RGS7: variants seen among roughly 807,000 people sequenced by gnomAD.
RGS7 encodes the protein regulator of G-protein signaling 7.
Under a neutral mutation model 81.1 loss-of-function variants are expected in RGS7, and 27 were observed. The observed-to-expected ratio is 0.33, with a 90% CI of 0.25 to 0.46. The LOEUF (loss-of-function observed/expected upper bound fraction) is 0.46. RGS7 is among the 20% of genes least tolerant of loss of function. The pLI is 1.00. For missense variants in RGS7, 396 were observed against 607.4 expected (o/e 0.65, Z 3.66); for synonymous variants, 208 against 207.7 (o/e 1.00, Z -0.01).
chr1:240,932,933 G>T (rs1406425867), intron 5 of RGS7, among the ~76,000 whole-genome samples: 2 of 127,354 alleles, frequency 1.6e-5, no homozygotes, highest in South Asian at 2.5e-4. Flanking sequence ...GCCCAGGCTG[G>T]ACTGCAGTGG....
chr1:241,106,269 T>G (rs535391327), intron 2 of RGS7, among the ~76,000 whole-genome samples: 2 of 152,346 alleles, frequency 1.3e-5, no homozygotes, highest in East Asian at 3.9e-4. Context: ...TATAGTTTAT[T>G]GCAGTCAGTA....
At chr1:240,887,516 A>G (rs1042704670) in intron 6 of RGS7, among the ~76,000 whole-genome samples, 1 of 152,084 alleles carries the variant, frequency 6.6e-6, no homozygotes. Flanking sequence ...GCGTGAGAGT[A>G]TATAGTTTTA....
intron 2 of RGS7, among the ~76,000 whole-genome samples, chr1:241,214,536 T>G (rs961344982): frequency 6.6e-6 from 1 of 152,136 alleles, no homozygotes; most frequent in Non-Finnish European, 1.5e-5. Flanking sequence ...TGTGGGCGAC[T>G]GTTTTAGGCC....
intron 6 of RGS7, among the ~76,000 whole-genome samples, chr1:240,918,881 A>G (rs1673029365): frequency 6.6e-6 from 1 of 152,132 alleles, no homozygotes. Flanking sequence ...TGGTATAATA[A>G]CTGAAAAGGA....
chr1:241,214,281 T>G (rs2147943682), intron 2 of RGS7, among the ~76,000 whole-genome samples: 1 of 152,300 alleles, frequency 6.6e-6, no homozygotes, highest in Admixed American at 6.5e-5. Flanking sequence ...TTATTTTCTT[T>G]AATATAGAAT....
intron 2 of RGS7, among the ~76,000 whole-genome samples, chr1:241,247,833 G>C (rs977191121): frequency 1.3e-5 from 2 of 152,158 alleles, no homozygotes; most frequent in African/African-American, 4.8e-5. Context: ...TGGTAGATTT[G>C]TTTTATGACC....
intron 6 of RGS7, among the ~76,000 whole-genome samples, chr1:240,916,031 G>C (rs1204574990): frequency 6.6e-6 from 1 of 151,034 alleles, no homozygotes; most frequent in East Asian, 1.9e-4. Flanking sequence ...GGGAGGCCAA[G>C]GCAGTCTGAT....
At chr1:241,124,739 G>A (rs1406293108) in intron 2 of RGS7, among the ~76,000 whole-genome samples, 1 of 152,206 alleles carries the variant, frequency 6.6e-6, no homozygotes, top group Non-Finnish European at 1.5e-5. Context: ...GAAACAGGAA[G>A]GGCCCCCTGG....
At chr1:241,107,179 A>C (rs563053065) in intron 2 of RGS7, among the ~76,000 whole-genome samples, 1 of 152,308 alleles carries the variant, frequency 6.6e-6, no homozygotes, top group Non-Finnish European at 1.5e-5. Context: ...TGGTGAGCCC[A>C]CTTTTTCTTC....
At chr1:241,034,020 C>G (rs537689345) in intron 3 of RGS7, among the ~76,000 whole-genome samples, 1 of 152,134 alleles carries the variant, frequency 6.6e-6, no homozygotes, top group African/African-American at 2.4e-5. Flanking sequence ...AACTCTTGCA[C>G]GAAGAAGCAT....
chr1:240,889,255 C>A (rs570555560), intron 6 of RGS7, among the ~76,000 whole-genome samples: 1 of 152,198 alleles, frequency 6.6e-6, no homozygotes, highest in South Asian at 2.1e-4. Context: ...CTGCACCTGG[C>A]GAGAGGTAAC....
At chr1:240,978,369 A>G (rs559122236) in intron 4 of RGS7, among the ~76,000 whole-genome samples, 17 of 152,354 alleles carry the variant, frequency 1.1e-4, no homozygotes, top group African/African-American at 3.8e-4. Context: ...AATCAATGAA[A>G]CATAACTTAC....
intron 9 of RGS7, among the ~76,000 whole-genome samples, chr1:240,849,811 A>G (rs1659773824): frequency 6.6e-6 from 1 of 152,232 alleles, no homozygotes; most frequent in African/African-American, 2.4e-5. Context: ...CTGTAGAACG[A>G]TGAGCCAATT....
In RGS7 at chr1:241,355,725, A is replaced by T. The variant is rs1162411700; in HGVS notation, c.52T>A (p.Ser18Thr). The T allele has an allele frequency of 6.2e-7, 1 of 1,614,026 alleles. No homozygotes were observed. The highest frequency in any genetic ancestry group is 8.5e-7 in the Non-Finnish European group (1 of 1,180,006). Reference sequence around the variant, plus strand: ...TTTCTGTACACCAGCATGTTGGGTGATTCATCGGCCACCCCGTTGCTGGTC... The same window carrying T: ...TTTCTGTACACCAGCATGTTGGGTGTTTCATCGGCCACCCCGTTGCTGGTC... ...GQTSNGVADE[S>T]PNMLVYRKME... Residue 18 changes from serine to threonine, a missense_variant, in exon 2 of 19, where the codon TCA becomes ACA. Physicochemically the swap from Ser to Thr is moderately conservative, Grantham distance 58. Coordinates refer to ENST00000440928, the MANE Select transcript of RGS7 (RefSeq NM_001364886.1).
At chr1:241,156,514 GA>G (rs1284720009) in intron 2 of RGS7, among the ~76,000 whole-genome samples, 1 of 130,878 alleles carries the variant, frequency 7.6e-6, no homozygotes, top group Non-Finnish European at 1.6e-5. Flanking sequence ...TCAAAAAAAA[GA>G]AAAAAAAGAA....
intron 2 of RGS7, among the ~76,000 whole-genome samples, chr1:241,185,152 C>T (rs752472658): frequency 1.3e-5 from 2 of 152,146 alleles, no homozygotes; most frequent in Non-Finnish European, 2.9e-5. Context: ...AACCACTAGT[C>T]AGGTCTAAGG....
intron 2 of RGS7, chr1:241,132,124 T>C (rs1210971064): frequency 1.3e-5 from 2 of 152,872 alleles, no homozygotes; most frequent in Non-Finnish European, 1.5e-5. Context: ...GAGGCTCCCA[T>C]AAACACAATT....
chr1:241,235,388 C>T (rs148135841), intron 2 of RGS7, among the ~76,000 whole-genome samples: 114 of 152,232 alleles, frequency 7.5e-4, no homozygotes, highest in African/African-American at 2.6e-3. Flanking sequence ...CTTTTAAAAT[C>T]TTAGAATTTA....
intron 2 of RGS7, among the ~76,000 whole-genome samples, chr1:241,287,273 T>C (rs889841606): frequency 6.6e-6 from 1 of 152,232 alleles, no homozygotes; most frequent in Non-Finnish European, 1.5e-5. Context: ...AAATCTCATC[T>C]TGAATTGTAG....
Sources: allele counts gnomAD v4.1 joint callset (sites outside exome capture counted in the v4.1 genomes callset), GRCh38; gene constraint gnomAD v4.1.1; transcripts MANE v1.5; gene names NCBI Gene and HGNC (gene_info 2026-07-23, HGNC 2026-07-21).